The following SYTL5 variants were observed in gnomAD, a reference collection of about 807,000 sequenced individuals.
The protein encoded by SYTL5 is synaptotagmin-like protein 5.
In SYTL5, 34 loss-of-function variants were observed where a neutral mutation model predicts 55.9. The ratio of observed to expected loss-of-function variants is 0.61; its 90% CI spans 0.46 to 0.81. SYTL5 has a LOEUF of 0.81. Ranked by LOEUF, SYTL5 falls within the 30% of genes least tolerant of loss-of-function variation. SYTL5 has a pLI of 0.00. For missense variants in SYTL5, 637 were observed against 546.7 expected (o/e 1.17, Z -1.65); for synonymous variants, 221 against 188.7 (o/e 1.17, Z -1.40).
chrX:38,035,170 G>A (rs190616057), intron 2 of SYTL5, among the ~76,000 whole-genome samples: 1,578 of 112,227 alleles, frequency 0.014, 16 homozygotes, highest in Non-Finnish European at 0.02. Flanking sequence ...CAAAAGTTTC[G>A]ATGAAAATTA....
At chrX:37,995,888 C>T in the SYTL5 span, among the ~76,000 whole-genome samples, 1 of 112,287 alleles carries the variant, frequency 8.9e-6, no homozygotes, top group Non-Finnish European at 1.9e-5. Context: ...CTGGAATGCA[C>T]ATCTGAGGAC....
At chrX:38,123,180 C>T (rs1306406348) in intron 15 of SYTL5, among the ~76,000 whole-genome samples, 1 of 112,575 alleles carries the variant, frequency 8.9e-6, no homozygotes, top group African/African-American at 3.2e-5. Context: ...CACTCTGTTG[C>T]CCAGGCTGGA....
chrX:38,072,576 T>C (rs1936295437), intron 4 of SYTL5, among the ~76,000 whole-genome samples: 1 of 112,079 alleles, frequency 8.9e-6, no homozygotes, highest in African/African-American at 3.2e-5. Context: ...AATCCAGTGG[T>C]TCTCAATCAA....
In SYTL5 at chrX:38,089,574, C is replaced by T. The variant is rs1270624270; in HGVS notation, c.818C>T (p.Ser273Leu). The T allele has an allele frequency of 8.3e-7, 1 of 1,209,428 alleles. No individual in the cohort carries two copies. The highest frequency in any genetic ancestry group is 1.8e-5 in the South Asian group (1 of 56,509). ...GCCCCAAGCACACGAACTGTGACCTCAGTCATCAGTAGAGTAAGTACACAA... is the reference window on the plus strand; with the variant it reads ...GCCCCAAGCACACGAACTGTGACCTTAGTCATCAGTAGAGTAAGTACACAA... ...SPAPSTRTVT[S>L]VISREYGFEN... The change falls in exon 7 of 17, where the codon TCA becomes TTA. Residue 273 changes from serine to leucine, a missense_variant. By Grantham distance (145) the Ser-to-Leu change is moderately radical (BLOSUM62 -2). Transcript: ENST00000297875.
At chrX:38,107,810 C>T (rs1399545272) in intron 11 of SYTL5, among the ~76,000 whole-genome samples, 1 of 112,069 alleles carries the variant, frequency 8.9e-6, no homozygotes, top group Non-Finnish European at 1.9e-5. Context: ...GCCTCCTCAG[C>T]TACATTTCAG....
chrX:37,956,720 GGCTATTGTGAATAAT>G, the SYTL5 span, among the ~76,000 whole-genome samples: 1 of 111,723 alleles, frequency 9.0e-6, no homozygotes, highest in Non-Finnish European at 1.9e-5. Flanking sequence ...TACATATCAT[GGCTATTGTGAATAAT>G]GCTGCTATGA....
chrX:37,903,638 C>T, the SYTL5 span, among the ~76,000 whole-genome samples: 31 of 109,767 alleles, frequency 2.8e-4, no homozygotes, highest in African/African-American at 1.0e-3. Flanking sequence ...CAACATGGCA[C>T]ATGTATACAT....
intron 3 of SYTL5, among the ~76,000 whole-genome samples, chrX:38,063,473 A>G (rs1314320481): frequency 9.0e-6 from 1 of 111,623 alleles, no homozygotes; most frequent in East Asian, 2.8e-4. Flanking sequence ...TATCCAAGGT[A>G]CTCTATAATA....
At chrX:38,106,187 CCAAT>C (rs985633202) in intron 10 of SYTL5, among the ~76,000 whole-genome samples, 5 of 111,838 alleles carry the variant, frequency 4.5e-5, no homozygotes, top group Non-Finnish European at 9.4e-5. Context: ...ACCCTTTGTC[CCAAT>C]CAATGTATTC....
chrX:37,999,313 T>C, the SYTL5 span, among the ~76,000 whole-genome samples: 14 of 112,849 alleles, frequency 1.2e-4, no homozygotes, highest in Non-Finnish European at 2.4e-4. Context: ...TTAAATGTAA[T>C]GAAGGGCAAT....
chrX:38,072,735 T>C (rs1177196369), intron 4 of SYTL5, among the ~76,000 whole-genome samples: 1 of 111,836 alleles, frequency 8.9e-6, no homozygotes, highest in African/African-American at 3.3e-5. Context: ...AAATGCATAG[T>C]CTTACTGAAT....
intron 1 of SYTL5, among the ~76,000 whole-genome samples, chrX:38,025,746 A>C (rs1273042968): frequency 8.9e-6 from 1 of 112,272 alleles, no homozygotes; most frequent in Non-Finnish European, 1.9e-5. Context: ...TTTTTTCTCT[A>C]CTTGATTAAA....
the SYTL5 span, among the ~76,000 whole-genome samples, chrX:37,989,005 A>G: frequency 8.9e-6 from 1 of 112,106 alleles, no homozygotes; most frequent in African/African-American, 3.2e-5. Flanking sequence ...CCAGAATTCA[A>G]TGATATGAGA....
chrX:38,104,008 G>T (rs188477278), intron 10 of SYTL5, among the ~76,000 whole-genome samples: 46 of 112,123 alleles, frequency 4.1e-4, no homozygotes, highest in African/African-American at 1.4e-3. Context: ...GGATATGTGT[G>T]CCTATTGAGC....
In SYTL5 at chrX:38,126,949, T is replaced by C. The variant is rs1437743484; in HGVS notation, c.*219T>C. ...AATCAAGGCCTTCTTGATTGGATGA[T>C]AGAAAGTGTACTACTTGTCCTGTCA... On this transcript the variant is annotated 3_prime_UTR_variant, in exon 17 of 17. Coordinates refer to ENST00000297875, the MANE Select transcript of SYTL5 (RefSeq NM_138780.3). 4 of 379,413 alleles carry C rather than the reference T, an allele frequency of 1.1e-5. No individual in the cohort carries two copies. Among genetic ancestry groups the C allele is most frequent in the Non-Finnish European group, 1.8e-5 (4 of 220,168 alleles). The allele number at this position is 379,413 out of a possible 1,213,427, so 31.3% of individuals were successfully genotyped here. A position where few individuals can be genotyped will look rare whatever the true frequency, so the allele number is the denominator to read the frequency against.
chrX:38,027,796 C>T (rs916604847), intron 1 of SYTL5, among the ~76,000 whole-genome samples: 1 of 108,221 alleles, frequency 9.2e-6, no homozygotes, highest in African/African-American at 3.4e-5. Flanking sequence ...GGTTTATATC[C>T]TCAAATACCT....
At chrX:38,100,446 G>A (rs755695913) in intron 9 of SYTL5, among the ~76,000 whole-genome samples, 5 of 111,251 alleles carry the variant, frequency 4.5e-5, no homozygotes, top group East Asian at 5.6e-4. Context: ...TATGGATGAC[G>A]TTAAGTGACA....
the SYTL5 span, among the ~76,000 whole-genome samples, chrX:37,911,061 G>T: frequency 9.6e-6 from 1 of 104,405 alleles, no homozygotes; most frequent in Admixed American, 1.0e-4. Flanking sequence ...TGCCTCCCAG[G>T]TTCAAGTGAT....
At chrX:37,995,383 T>C in the SYTL5 span, among the ~76,000 whole-genome samples, 1 of 112,127 alleles carries the variant, frequency 8.9e-6, no homozygotes, top group Non-Finnish European at 1.9e-5. Flanking sequence ...GGGATTGTCC[T>C]TAGGGCTATT....
Sources: allele counts gnomAD v4.1 joint callset (sites outside exome capture counted in the v4.1 genomes callset), GRCh38; gene constraint gnomAD v4.1.1; transcripts MANE v1.5; gene names NCBI Gene and HGNC (gene_info 2026-07-23, HGNC 2026-07-21).